NEDD4: variants seen among roughly 807,000 people sequenced by gnomAD.
The protein encoded by NEDD4 is NEDD4 E3 ubiquitin protein ligase, also known as E3 ubiquitin-protein ligase NEDD4.
A neutral mutation model predicts 144.9 loss-of-function variants in NEDD4; 99 were observed. The ratio of observed to expected loss-of-function variants is 0.68; its 90% CI spans 0.58 to 0.81. The LOEUF (loss-of-function observed/expected upper bound fraction) is 0.81. NEDD4 is among the 30% of genes least tolerant of loss of function. The probability of loss-of-function intolerance (pLI) is 0.00; values close to 1 mark genes in which losing one functional copy is unlikely to be tolerated. For synonymous variants in NEDD4, 318 were observed against 350.6 expected, an observed-to-expected ratio of 0.91 and a Z score of 1.04; for missense variants, 985 against 1,065.9, an observed-to-expected ratio of 0.92 and a Z score of 1.06.
intron 2 of NEDD4, among the ~76,000 whole-genome samples, chr15:55,964,364 T>G (rs550295714): frequency 9.2e-5 from 14 of 152,122 alleles, no homozygotes; most frequent in South Asian, 2.1e-4. Context: ...GCGTAACAAT[T>G]TCTACTGATC....
At chr15:55,915,901 C>T in intron 5 of NEDD4, 1 of 1,613,976 alleles carries the variant, frequency 6.2e-7, no homozygotes, top group Non-Finnish European at 8.5e-7. Flanking sequence ...CTAGTGCCAT[C>T]CTCATTATGT....
intron 18 of NEDD4, among the ~76,000 whole-genome samples, chr15:55,845,251 T>C (rs1156738509): frequency 6.6e-6 from 1 of 152,178 alleles, no homozygotes; most frequent in East Asian, 1.9e-4. Flanking sequence ...TTAATTAATT[T>C]CTCTCTTAAT....
At chr15:55,884,388 T>C (rs1271638650) in intron 5 of NEDD4, among the ~76,000 whole-genome samples, 2 of 152,130 alleles carry the variant, frequency 1.3e-5, no homozygotes, top group African/African-American at 2.4e-5. Context: ...TGTCCAGACA[T>C]TGGCAAACAT....
chr15:55,957,085 A>G (rs562603385), intron 2 of NEDD4, among the ~76,000 whole-genome samples: 4 of 152,284 alleles, frequency 2.6e-5, no homozygotes, highest in Admixed American at 2.6e-4. Flanking sequence ...GTATTTTCCA[A>G]TGGCCCAATG....
At chr15:55,957,741 G>C (rs1371700239) in intron 2 of NEDD4, among the ~76,000 whole-genome samples, 3 of 152,188 alleles carry the variant, frequency 2.0e-5, no homozygotes, top group African/African-American at 7.2e-5. Context: ...ATCAATGATA[G>C]ACTGGATTAA....
At chr15:55,841,095 G>C (rs1342488010) in intron 19 of NEDD4, among the ~76,000 whole-genome samples, 2 of 152,088 alleles carry the variant, frequency 1.3e-5, no homozygotes, top group Non-Finnish European at 2.9e-5. Context: ...CACCATGCCT[G>C]GTTAATTTTT....
intron 24 of NEDD4, among the ~76,000 whole-genome samples, chr15:55,835,657 A>C (rs1302998923): frequency 1.3e-5 from 2 of 152,150 alleles, no homozygotes; most frequent in African/African-American, 4.8e-5. Flanking sequence ...TGCCATTCAA[A>C]TGCACATGCA....
At chr15:55,863,860 G>A (rs1447180167) in intron 8 of NEDD4, among the ~76,000 whole-genome samples, 1 of 152,216 alleles carries the variant, frequency 6.6e-6, no homozygotes, top group Non-Finnish European at 1.5e-5. Context: ...GGGGCAAGAT[G>A]GGGAAGGCAA....
chr15:55,970,141 C>G (rs28773028), intron 1 of NEDD4, among the ~76,000 whole-genome samples: 47,308 of 151,956 alleles, frequency 0.31, 7,487 homozygotes, highest in South Asian at 0.38. Context: ...AGCCACAGGT[C>G]TGGGGCAGTG....
At chr15:55,903,310 T>G (rs1452885972) in intron 5 of NEDD4, among the ~76,000 whole-genome samples, 1 of 152,158 alleles carries the variant, frequency 6.6e-6, no homozygotes, top group Non-Finnish European at 1.5e-5. Context: ...TGGCTAGTGG[T>G]AGTAGAAAGG....
chr15:55,910,859 A>T (rs1344560839), intron 5 of NEDD4, among the ~76,000 whole-genome samples: 1 of 152,174 alleles, frequency 6.6e-6, no homozygotes, highest in African/African-American at 2.4e-5. Flanking sequence ...ATAATCCATG[A>T]AACCATGAAA....
intron 1 of NEDD4, among the ~76,000 whole-genome samples, chr15:55,973,093 C>A (rs2037638679): frequency 6.8e-6 from 1 of 147,758 alleles, no homozygotes; most frequent in Non-Finnish European, 1.5e-5. Flanking sequence ...AGAAAACCAA[C>A]AAAGAAATGT....
intron 5 of NEDD4, among the ~76,000 whole-genome samples, chr15:55,907,499 A>G (rs954272400): frequency 1.3e-5 from 2 of 152,140 alleles, no homozygotes; most frequent in Admixed American, 6.6e-5. Context: ...TCTCATTTCA[A>G]TTATAACCTC....
intron 5 of NEDD4, among the ~76,000 whole-genome samples, chr15:55,875,824 T>C (rs2034973089): frequency 1.3e-5 from 2 of 151,602 alleles, no homozygotes; most frequent in Non-Finnish European, 2.9e-5. Context: ...TAAAAGGGGA[T>C]AGGTAATAGG....
intron 5 of NEDD4, among the ~76,000 whole-genome samples, chr15:55,923,659 A>AAAATATATATATAT (rs546642962): frequency 1.5e-5 from 2 of 135,268 alleles, no homozygotes; most frequent in African/African-American, 5.6e-5. Flanking sequence ...AAAAAAAAAA[A>AAAATATATATATAT]ATATATATAT....
In NEDD4 at chr15:55,830,617, ACT is replaced by A. The variant is rs756642213; in HGVS notation, c.2528-33_2528-32del. On this transcript the variant is annotated intron_variant, in intron 27 of 28. Transcript: ENST00000435532. ...AGGAAGAATTTATTTGGTTTCATTT[ACT>A]CTCTACAAGGATCTCCAGGCATATC... 23 of 1,592,140 alleles carry A rather than the reference ACT, an allele frequency of 1.4e-5. 1 individual carries two copies. The South Asian group carries it at 2.5e-4, about 18-fold the overall frequency.
intron 2 of NEDD4, among the ~76,000 whole-genome samples, chr15:55,959,250 C>G (rs1595876080): frequency 6.6e-6 from 1 of 152,052 alleles, no homozygotes; most frequent in South Asian, 2.1e-4. Flanking sequence ...ATGTTTTCTT[C>G]TTTGACATAT....
At chr15:55,956,228 A>C (rs147516562) in intron 2 of NEDD4, among the ~76,000 whole-genome samples, 31 of 152,244 alleles carry the variant, frequency 2.0e-4, no homozygotes, top group African/African-American at 7.2e-4. Context: ...TTGTTTCCAG[A>C]TATATGTCTA....
At chr15:55,976,101 C>T (rs545574276) in intron 1 of NEDD4, among the ~76,000 whole-genome samples, 1 of 152,278 alleles carries the variant, frequency 6.6e-6, no homozygotes, top group East Asian at 1.9e-4. Flanking sequence ...AACTAGACCC[C>T]TATCTCTTGT....
Sources: gnomAD v4.1 joint callset for allele counts (sites outside exome capture counted in the v4.1 genomes callset) on GRCh38, gnomAD v4.1.1 for gene constraint, MANE v1.5 for transcripts, NCBI Gene and HGNC (gene_info 2026-07-23, HGNC 2026-07-21) for gene names.